Variants in NFIB observed in about 807,000 individuals in gnomAD.
NFIB encodes nuclear factor 1 B-type.
A neutral mutation model predicts 61.5 loss-of-function variants in NFIB; 11 were observed. The observed-to-expected ratio is 0.18, with a 90% confidence interval of 0.11 to 0.30. The LOEUF is 0.30. Ranked by LOEUF, NFIB falls within the 10% of genes least tolerant of loss-of-function variation. NFIB has a pLI of 1.00. For missense variants in NFIB, 471 were observed against 608.9 expected (o/e 0.77, Z 2.38); for synonymous variants, 260 against 216.5 (o/e 1.20, Z -1.76).
In NFIB at chr9:14,355,622, C is replaced by T. The variant is rs920973292; in HGVS notation, c.108+42902G>A. 1.1e-4 allele frequency among the ~76,000 whole-genome samples: 17 copies of T among 152,270 alleles called. No homozygotes were observed. In the East Asian group the frequency reaches 2.9e-3, roughly 26 times the overall value. On this transcript the variant is annotated intron_variant, in intron 1 of 8. Coordinates refer to the NFIB transcript ENST00000380934. ...TGGGTGTGTGTCCTTTGCAGTCACA[C>T]GGGATCCCATACTTAGAAGTGCCCC...
chr9:14,389,042 G>T (rs147697068), intron 1 of NFIB, among the ~76,000 whole-genome samples: 26 of 152,328 alleles, frequency 1.7e-4, no homozygotes, highest in East Asian at 1.5e-3. Context: ...AGTGATCATA[G>T]TGTGTAGCTT....
chr9:14,214,870 C>A (rs184055841), intron 2 of NFIB, among the ~76,000 whole-genome samples: 30 of 152,282 alleles, frequency 2.0e-4, no homozygotes, highest in Non-Finnish European at 1.5e-4. Context: ...AGAGAGCCAT[C>A]CTATACAATT....
intron 6 of NFIB, among the ~76,000 whole-genome samples, chr9:14,132,788 A>T (rs568177885): frequency 6.6e-6 from 1 of 152,190 alleles, no homozygotes; most frequent in Non-Finnish European, 1.5e-5. Flanking sequence ...CTGGTCTGGA[A>T]CTCCTAGTCT....
chr9:14,470,786 G>T, the NFIB span, among the ~76,000 whole-genome samples: 30 of 152,322 alleles, frequency 2.0e-4, no homozygotes, highest in African/African-American at 7.0e-4. Flanking sequence ...TGGACAAAGA[G>T]CCAGGGGAAC....
At chr9:14,301,600 T>A (rs1360044601) in intron 2 of NFIB, among the ~76,000 whole-genome samples, 3 of 148,994 alleles carry the variant, frequency 2.0e-5, no homozygotes, top group Non-Finnish European at 4.4e-5. Flanking sequence ...CCCCCCACCC[T>A]TCCCTTTGAA....
chr9:14,288,716 T>C (rs1207780323), intron 2 of NFIB, among the ~76,000 whole-genome samples: 2 of 152,010 alleles, frequency 1.3e-5, no homozygotes, highest in African/African-American at 4.8e-5. Context: ...TGTCCCACTA[T>C]CTTTGGTATT....
At chr9:14,505,194 G>A in the NFIB span, among the ~76,000 whole-genome samples, 3 of 152,156 alleles carry the variant, frequency 2.0e-5, no homozygotes, top group African/African-American at 7.2e-5. Context: ...CTTGATCATG[G>A]TGGAATCTTT....
At chr9:14,438,334 T>C in the NFIB span, among the ~76,000 whole-genome samples, 1 of 152,216 alleles carries the variant, frequency 6.6e-6, no homozygotes, top group African/African-American at 2.4e-5. Context: ...CTAAATAGTC[T>C]TACGTGTGAC....
the NFIB span, among the ~76,000 whole-genome samples, chr9:14,452,602 T>A: frequency 1.3e-5 from 2 of 152,180 alleles, no homozygotes; most frequent in African/African-American, 4.8e-5. Flanking sequence ...CATCTACAGG[T>A]CATCTGTCAG....
intron 3 of NFIB, among the ~76,000 whole-genome samples, chr9:14,170,922 T>A (rs1231638932): frequency 2.0e-5 from 3 of 152,200 alleles, no homozygotes; most frequent in Non-Finnish European, 4.4e-5. Flanking sequence ...AGTGCCTACA[T>A]CAATATATTA....
chr9:14,135,984 G>T (rs898680371), intron 6 of NFIB, among the ~76,000 whole-genome samples: 3 of 152,064 alleles, frequency 2.0e-5, no homozygotes, highest in African/African-American at 7.2e-5. Context: ...GCACGGTTAA[G>T]TAGCATGTTC....
chr9:14,143,991 A>AGTGTGTGTGTGT (rs141101627), intron 6 of NFIB, among the ~76,000 whole-genome samples: 8,649 of 134,080 alleles, frequency 0.065, 356 homozygotes, highest in South Asian at 0.079. Context: ...AAAGTGACAG[A>AGTGTGTGTGTGT]GTGTGTGTGT....
At chr9:14,150,955 C>T (rs547041804) in intron 4 of NFIB, among the ~76,000 whole-genome samples, 1 of 152,030 alleles carries the variant, frequency 6.6e-6, no homozygotes, top group South Asian at 2.1e-4. Context: ...TACATCTGTT[C>T]ACATTTTTTA....
At chr9:14,244,405 C>T (rs184685205) in intron 2 of NFIB, among the ~76,000 whole-genome samples, 5 of 152,156 alleles carry the variant, frequency 3.3e-5, no homozygotes, top group Admixed American at 2.6e-4. Flanking sequence ...TCTGAATCTG[C>T]TGATTAAATG....
the NFIB span, among the ~76,000 whole-genome samples, chr9:14,481,195 GTGTATATATATATATA>G: frequency 1.1e-4 from 4 of 35,068 alleles, no homozygotes; most frequent in South Asian, 1.4e-3. Context: ...GTGTGTGTGT[GTGTATATATATATATA>G]TATATATATA....
the NFIB span, among the ~76,000 whole-genome samples, chr9:14,458,521 A>G: frequency 0.28 from 43,099 of 152,090 alleles, 7,192 homozygotes; most frequent in African/African-American, 0.46. Context: ...GGCCAGGGCA[A>G]TCATGCAGGA....
At chr9:14,315,886 G>A (rs978986253), upstream of NFIB, among the ~76,000 whole-genome samples, 3 of 151,664 alleles carry the variant, frequency 2.0e-5, no homozygotes, top group Non-Finnish European at 4.4e-5. Flanking sequence ...GATCCGGGGG[G>A]CGCTGGGGCT....
intron 1 of NFIB, among the ~76,000 whole-genome samples, chr9:14,381,749 G>T (rs1254709225): frequency 1.3e-5 from 2 of 152,244 alleles, no homozygotes; most frequent in Non-Finnish European, 2.9e-5. Flanking sequence ...ATCTGGAGAA[G>T]CAATGAAAGA....
the NFIB span, among the ~76,000 whole-genome samples, chr9:14,483,486 A>G: frequency 6.6e-6 from 1 of 152,174 alleles, no homozygotes; most frequent in African/African-American, 2.4e-5. Flanking sequence ...GGAGGCATCA[A>G]TATTGGTCAA....
Sources: gnomAD v4.1 joint callset for allele counts (sites outside exome capture counted in the v4.1 genomes callset) on GRCh38, gnomAD v4.1.1 for gene constraint, MANE v1.5 for transcripts, NCBI Gene and HGNC (gene_info 2026-07-23, HGNC 2026-07-21) for gene names.